The following KCNH8 variants were observed in gnomAD, a reference collection of about 807,000 sequenced individuals.
The protein encoded by KCNH8 is potassium voltage-gated channel subfamily H member 8.
Under a neutral mutation model 103.6 loss-of-function variants are expected in KCNH8, and 70 were observed. The ratio of observed to expected loss-of-function variants is 0.68; its 90% CI spans 0.56 to 0.82. The LOEUF (loss-of-function observed/expected upper bound fraction) is 0.82. KCNH8 is among the 40% of genes least tolerant of loss of function. The probability of loss-of-function intolerance (pLI) is 0.00; values close to 1 mark genes in which losing one functional copy is unlikely to be tolerated. For missense variants in KCNH8, 1,217 were observed against 1,329.9 expected (o/e 0.92, Z 1.32); for synonymous variants, 498 against 489.4 (o/e 1.02, Z -0.23).
In KCNH8 at chr3:19,155,543, C is replaced by T. The variant is rs1575400301; in HGVS notation, c.76+6748C>T. On this transcript the variant is annotated intron_variant, in intron 1 of 15. Transcript: ENST00000328405. Reference sequence around the variant, plus strand: ...AGAGCCATCCGTTGGCTCCCTGCTGCCTTTTGGATAATGTCCAATGTCCTT... The same window carrying T: ...AGAGCCATCCGTTGGCTCCCTGCTGTCTTTTGGATAATGTCCAATGTCCTT... Among the ~76,000 whole-genome samples the T allele has an allele frequency of 2.6e-5, 4 of 152,152 alleles. No individual in the cohort carries two copies. The South Asian group carries it at 8.3e-4, about 32-fold the overall frequency.
At chr3:19,161,003 T>A (rs902056339) in intron 1 of KCNH8, among the ~76,000 whole-genome samples, 5 of 151,940 alleles carry the variant, frequency 3.3e-5, no homozygotes, top group African/African-American at 1.2e-4. Flanking sequence ...TTCCTTTAAG[T>A]AAAAGAGTGA....
chr3:19,519,852 C>T (rs755225925), intron 15 of KCNH8, among the ~76,000 whole-genome samples: 10 of 151,730 alleles, frequency 6.6e-5, no homozygotes. Context: ...AACTGACTGA[C>T]CTATATCTTA....
At chr3:19,347,183 G>A (rs1322628713) in intron 4 of KCNH8, among the ~76,000 whole-genome samples, 1 of 152,062 alleles carries the variant, frequency 6.6e-6, no homozygotes, top group Admixed American at 6.6e-5. Flanking sequence ...AAAAATGAAA[G>A]TAGTTAGCAC....
chr3:19,264,714 G>A (rs1393488483), intron 2 of KCNH8, among the ~76,000 whole-genome samples: 4 of 152,082 alleles, frequency 2.6e-5, no homozygotes, highest in Non-Finnish European at 5.9e-5. Flanking sequence ...AATAGAAGCA[G>A]CTAGCATTTA....
chr3:19,450,561 T>C (rs1304556631), intron 9 of KCNH8: 2 of 468,024 alleles, frequency 4.3e-6, no homozygotes, highest in Middle Eastern at 6.3e-4. Flanking sequence ...TTCCTTCTTA[T>C]TGTCTCTTTT....
chr3:19,255,586 C>T (rs2064336392), intron 2 of KCNH8, among the ~76,000 whole-genome samples: 1 of 151,956 alleles, frequency 6.6e-6, no homozygotes, highest in Non-Finnish European at 1.5e-5. Context: ...CAGCAAACCA[C>T]CATGGCACAC....
chr3:19,515,062 A>C (rs1035061329), intron 13 of KCNH8, among the ~76,000 whole-genome samples: 6 of 151,794 alleles, frequency 4.0e-5, no homozygotes, highest in African/African-American at 1.4e-4. Context: ...ATATAAAAAT[A>C]CTCAGTGAAA....
intron 1 of KCNH8, among the ~76,000 whole-genome samples, chr3:19,203,623 T>C (rs1559420964): frequency 6.6e-6 from 1 of 151,932 alleles, no homozygotes. Flanking sequence ...AAAAATAATA[T>C]CACCACATTG....
intron 11 of KCNH8, among the ~76,000 whole-genome samples, chr3:19,486,822 T>G (rs1177430921): frequency 6.6e-6 from 1 of 152,184 alleles, no homozygotes; most frequent in African/African-American, 2.4e-5. Flanking sequence ...CTTACTTGCC[T>G]TCTGGTTTTA....
At chr3:19,499,969 G>T (rs888911660) in intron 11 of KCNH8, among the ~76,000 whole-genome samples, 3 of 152,088 alleles carry the variant, frequency 2.0e-5, no homozygotes, top group African/African-American at 4.8e-5. Flanking sequence ...TGGACTAAAT[G>T]CTCCAATTAA....
chr3:19,319,662 T>A (rs2065323460), intron 3 of KCNH8, among the ~76,000 whole-genome samples: 1 of 152,022 alleles, frequency 6.6e-6, no homozygotes, highest in Non-Finnish European at 1.5e-5. Flanking sequence ...TTTACTTGGT[T>A]CCATATCAAT....
intron 11 of KCNH8, among the ~76,000 whole-genome samples, chr3:19,499,124 C>T (rs1470099794): frequency 3.3e-5 from 5 of 152,004 alleles, no homozygotes; most frequent in East Asian, 1.9e-4. Context: ...AACCAAGGCT[C>T]GAGAACTACG....
At chr3:19,285,419 G>A (rs1002589154) in intron 3 of KCNH8, among the ~76,000 whole-genome samples, 1 of 152,192 alleles carries the variant, frequency 6.6e-6, no homozygotes, top group East Asian at 1.9e-4. Context: ...TCTATAAAAT[G>A]AGGTACTCAT....
intron 7 of KCNH8, among the ~76,000 whole-genome samples, chr3:19,403,779 G>A (rs1475612356): frequency 2.0e-5 from 3 of 151,728 alleles, no homozygotes; most frequent in African/African-American, 7.3e-5. Flanking sequence ...ATAAAAAAGT[G>A]TTAAGCAGCT....
rs562032535 is a variant in KCNH8 at position 19,313,793 on chromosome 3, A to G, written c.443-28794A>G. Among the ~76,000 whole-genome samples, 168 of 152,060 alleles carry G rather than the reference A, an allele frequency of 1.1e-3. 1 individual carries two copies. Among genetic ancestry groups the G allele is most frequent in the Non-Finnish European group, 1.2e-3 (81 of 67,926 alleles). ...ATTATAGATGATCATACAAAGTACC[A>G]TGGGTCCCTGGTTACCTTAAGGTCC... On this transcript the variant is annotated intron_variant, in intron 3 of 15. Coordinates refer to ENST00000328405, the MANE Select transcript of KCNH8 (RefSeq NM_144633.3).
intron 1 of KCNH8, among the ~76,000 whole-genome samples, chr3:19,154,601 A>G (rs2063162721): frequency 6.6e-6 from 1 of 152,220 alleles, no homozygotes; most frequent in South Asian, 2.1e-4. Flanking sequence ...AAGGTTCCAT[A>G]GAATGCAGTG....
intron 7 of KCNH8, among the ~76,000 whole-genome samples, chr3:19,429,691 C>A (rs962773246): frequency 1.4e-4 from 21 of 152,028 alleles, no homozygotes; most frequent in Non-Finnish European, 2.9e-4. Context: ...AAGCCTAGTA[C>A]CCATTAGTTG....
At chr3:19,433,589 G>A (rs1410451637) in intron 7 of KCNH8, among the ~76,000 whole-genome samples, 1 of 152,276 alleles carries the variant, frequency 6.6e-6, no homozygotes, top group Admixed American at 6.5e-5. Flanking sequence ...GCAAGACCAA[G>A]CATAGGACCC....
intron 3 of KCNH8, among the ~76,000 whole-genome samples, chr3:19,305,325 A>T (rs573224936): frequency 3.3e-5 from 5 of 152,166 alleles, no homozygotes; most frequent in Non-Finnish European, 7.4e-5. Flanking sequence ...TTTCCCTTTC[A>T]TGTACCTTGT....
Sources: allele counts gnomAD v4.1 joint callset (sites outside exome capture counted in the v4.1 genomes callset), GRCh38; gene constraint gnomAD v4.1.1; transcripts MANE v1.5; gene names NCBI Gene and HGNC (gene_info 2026-07-23, HGNC 2026-07-21).